Variants in SLC5A10 observed in about 807,000 individuals in gnomAD.
SLC5A10 encodes the protein sodium/mannose cotransporter SLC5A10.
In SLC5A10, 55 loss-of-function variants were observed where a neutral mutation model predicts 68.9. The ratio of observed to expected loss-of-function variants is 0.80; its 90% CI spans 0.64 to 1.00. The LOEUF (loss-of-function observed/expected upper bound fraction) is 1.00. Among genes scored for constraint, SLC5A10 ranks in the 50% least tolerant of loss-of-function variants. The pLI is 0.00. For missense variants in SLC5A10, 732 were observed against 819.3 expected (o/e 0.89, Z 1.30); for synonymous variants, 344 against 344.8 (o/e 1.00, Z 0.02).
At chr17:18,960,331 C>T (rs1267291931) in intron 4 of SLC5A10, among the ~76,000 whole-genome samples, 1 of 152,234 alleles carries the variant, frequency 6.6e-6, no homozygotes, top group Non-Finnish European at 1.5e-5. Flanking sequence ...TCTCAGCCTG[C>T]CACTCCCCTG....
intron 5 of SLC5A10, among the ~76,000 whole-genome samples, chr17:18,966,354 G>A (rs775477180): frequency 6.6e-6 from 1 of 152,122 alleles, no homozygotes; most frequent in Non-Finnish European, 1.5e-5. Context: ...GCCCTTCCTC[G>A]GGGATGCTGT....
At chr17:19,011,821 A>C (rs1243203066) in intron 9 of SLC5A10, among the ~76,000 whole-genome samples, 2 of 150,668 alleles carry the variant, frequency 1.3e-5, no homozygotes, top group Non-Finnish European at 3.0e-5. Context: ...CTGCCAGGGT[A>C]GGGGACACTG....
intron 9 of SLC5A10, among the ~76,000 whole-genome samples, chr17:18,982,181 C>T (rs1355536848): frequency 1.3e-5 from 2 of 152,232 alleles, no homozygotes; most frequent in Non-Finnish European, 2.9e-5. Flanking sequence ...AAGCAAGTCC[C>T]GGGCCCTTGC....
intron 7 of SLC5A10, chr17:18,970,067 A>G (rs2042803375): frequency 6.6e-6 from 1 of 152,270 alleles, no homozygotes; most frequent in East Asian, 1.9e-4. Flanking sequence ...CTAACCCTTG[A>G]ATGGCACTTG....
At chr17:18,969,744 G>C (rs555638719) in intron 7 of SLC5A10, 2 of 315,304 alleles carry the variant, frequency 6.3e-6, no homozygotes, top group East Asian at 1.1e-4. Context: ...CTGTAGGCGG[G>C]TGTGAAGGCA....
Position 19,015,159 on chromosome 17 carries a change from C to A in SLC5A10, c.1201C>A (p.Arg401Ser). 2.2e-6 allele frequency: 3 copies of A among 1,387,118 alleles called. No homozygotes were observed. Among genetic ancestry groups the A allele is most frequent in the Non-Finnish European group, 2.9e-6 (3 of 1,022,554 alleles). 85.9% of individuals were successfully genotyped at this position (1,387,118 alleles called of 1,614,324 possible). The stretch of plus-strand genomic sequence containing the variant: ...CACTATGGACATCTGGAGGCGGCTG[C>A]GTCCCCGCTCCGGCGAGCGGGAGCT... ...LFTMDIWRRL[R>S]PRSGERELLL... is the part of the protein sequence containing the mutation. The change falls in exon 11 of 15, where the codon CGT (arginine) becomes AGT (serine). Residue 401 changes from arginine to serine, a missense_variant. Arg to Ser is a moderately radical substitution (Grantham distance 110). Transcript: ENST00000395645.
At chr17:18,977,113 G>C in intron 9 of SLC5A10, 124 bp downstream of exon 9, 1 of 1,317,262 alleles carries the variant, frequency 7.6e-7, no homozygotes, top group East Asian at 2.4e-5. Flanking sequence ...AACCTGGGGA[G>C]TGGGGAGAGT....
At chr17:19,011,665 G>A (rs375572887) in intron 9 of SLC5A10, among the ~76,000 whole-genome samples, 1 of 152,104 alleles carries the variant, frequency 6.6e-6, no homozygotes, top group African/African-American at 2.4e-5. Flanking sequence ...CTATGAGCCT[G>A]GGGGGCTAAT....
rs59708379 is a variant in SLC5A10, at chr17:19,022,373, C to G, written c.*1942C>G. ...CTGCATCTACATAGAACACGGCTTT[C>G]CCAGCCGCCCAGCTGGGACAATAGG... On this transcript the variant is annotated 3_prime_UTR_variant, in exon 15 of 15. Coordinates refer to ENST00000395645, the MANE Select transcript of SLC5A10 (RefSeq NM_001042450.4). 0.031 allele frequency: 12,331 copies of G among 396,126 alleles called. 1,349 individuals carry two copies. The highest frequency in any genetic ancestry group is 0.23 in the African/African-American group (11,097 of 48,566). 24.5% of individuals were successfully genotyped at this position (396,126 alleles called of 1,614,324 possible). A position where few individuals can be genotyped will look rare whatever the true frequency, so the allele number is the denominator to read the frequency against.
At chr17:18,964,729 G>A (rs1296490308) in intron 5 of SLC5A10, among the ~76,000 whole-genome samples, 2 of 152,188 alleles carry the variant, frequency 1.3e-5, no homozygotes, top group Admixed American at 6.5e-5. Flanking sequence ...TGGGGCTGGG[G>A]GTGTCTAGGG....
chr17:18,969,302 G>A (rs758739925), intron 6 of SLC5A10, 40 bp from the exon 7 acceptor site: 10 of 1,605,590 alleles, frequency 6.2e-6, no homozygotes, highest in Non-Finnish European at 6.8e-6. Context: ...CTCCTCCCTG[G>A]GGCCAGGGCC....
chr17:18,973,462 C>T (rs2042905018), intron 8 of SLC5A10, among the ~76,000 whole-genome samples: 1 of 152,208 alleles, frequency 6.6e-6, no homozygotes, highest in Non-Finnish European at 1.5e-5. Context: ...GCCCTACCTC[C>T]CCATCCTCTA....
At position 19,022,504 on chromosome 17, in the gene SLC5A10, G is replaced by A. The variant is rs1251627093; in HGVS notation, c.*2073G>A. On this transcript the variant is annotated 3_prime_UTR_variant, in exon 15 of 15. Coordinates refer to ENST00000395645, the MANE Select transcript of SLC5A10 (RefSeq NM_001042450.4). The stretch of plus-strand genomic sequence containing the variant: ...ACCCGACTCTGCAGCAGCCATGGTA[G>A]CTTTTGACTCCAGGCCACAAAGCCA... The A allele has an allele frequency of 8.6e-6, 2 of 231,450 alleles. No homozygotes were observed. Among genetic ancestry groups the A allele is most frequent in the Non-Finnish European group, 1.7e-5 (2 of 120,030 alleles). The allele number at this position is 231,450 out of a possible 1,614,324, so 14.3% of individuals were successfully genotyped here. A position where few individuals can be genotyped will look rare whatever the true frequency, so the allele number is the denominator to read the frequency against.
At chr17:18,977,531 G>A in intron 9 of SLC5A10, 2 of 1,540,638 alleles carry the variant, frequency 1.3e-6, no homozygotes, top group African/African-American at 1.4e-5. Flanking sequence ...GAGCTCTTGG[G>A]TGGCTGGCAG....
rs562357364 is a variant in SLC5A10 at position 19,019,230 on chromosome 17, G to A, written c.1242-193G>A. 3.8e-5 allele frequency: 24 copies of A among 634,036 alleles called. No homozygotes were observed. In the African/African-American group the frequency reaches 4.2e-4, roughly 11 times the overall value. 39.3% of individuals were successfully genotyped at this position (634,036 alleles called of 1,614,324 possible). ...TCAGGAGCTGCACCTGCAGGATCCA[G>A]GGAGCCACCAAAGGGTTTGGAGCAG... On this transcript the variant is annotated intron_variant, in intron 11 of 14. Coordinates refer to ENST00000395645, the MANE Select transcript of SLC5A10 (RefSeq NM_001042450.4).
In SLC5A10 at chr17:19,021,662, G is replaced by C. The variant is rs1408826471; in HGVS notation, c.*1231G>C. ...AACCTTCCTGGCAGATGGGGCCATT[G>C]ACAAGAGGAGGTGGGCGGGGCCTCC... On this transcript the variant is annotated 3_prime_UTR_variant, in exon 15 of 15. Transcript: ENST00000395645. The surrounding 1 kb of genome is among the most constrained non-coding windows in gnomAD (Gnocchi z 4.1). 5.0e-6 allele frequency: 2 copies of C among 397,600 alleles called. No homozygotes were observed. The highest frequency in any genetic ancestry group is 8.9e-6 in the Non-Finnish European group (2 of 225,972). 24.6% of individuals were successfully genotyped at this position (397,600 alleles called of 1,614,324 possible). A position where few individuals can be genotyped will look rare whatever the true frequency, so the allele number is the denominator to read the frequency against.
rs879922162 is a variant in SLC5A10 at position 19,000,063 on chromosome 17, G to A, written c.983-13347G>A. On this transcript the variant is annotated intron_variant, in intron 9 of 14. Coordinates refer to ENST00000395645, the MANE Select transcript of SLC5A10 (RefSeq NM_001042450.4). This position sits in a 1 kb window ranked among gnomAD's most constrained non-coding sequence, Gnocchi z 5.2. Reference sequence around the variant, plus strand: ...CCTTCTCAGGCTGCAGCCAAGTGAGGCCGGGGCTCGCCCCTCCCAGGCGTG... The same window carrying A: ...CCTTCTCAGGCTGCAGCCAAGTGAGACCGGGGCTCGCCCCTCCCAGGCGTG... 1.2e-4 allele frequency among the ~76,000 whole-genome samples: 19 copies of A among 152,234 alleles called. No homozygotes were observed. Among genetic ancestry groups the A allele is most frequent in the Admixed American group, 1.2e-3 (19 of 15,288 alleles).
At chr17:18,975,580 G>A (rs1008178352) in intron 8 of SLC5A10, 1 of 152,164 alleles carries the variant, frequency 6.6e-6, no homozygotes, top group Non-Finnish European at 1.5e-5. Flanking sequence ...TGTAATCCCA[G>A]CTACTTGGGA....
In SLC5A10 at chr17:18,996,512, A is replaced by G. The variant is rs1677029505; in HGVS notation, c.983-16898A>G. Among the ~76,000 whole-genome samples the G allele has an allele frequency of 1.3e-5, 2 of 151,880 alleles. No individual in the cohort carries two copies. Among genetic ancestry groups the G allele is most frequent in the South Asian group, 4.2e-4 (2 of 4,806 alleles). On this transcript the variant is annotated intron_variant, in intron 9 of 14. Coordinates refer to ENST00000395645, the MANE Select transcript of SLC5A10 (RefSeq NM_001042450.4). The surrounding 1 kb of genome is among the most constrained non-coding windows in gnomAD (Gnocchi z 4.4). ...AATCTCCAAACCAGTTTGCCCATAT[A>G]ATGTCTCTGAAAGTCTGTCACCGAG...
Sources: gnomAD v4.1 joint callset for allele counts (sites outside exome capture counted in the v4.1 genomes callset) on GRCh38, gnomAD v4.1.1 for gene constraint, Gnocchi (gnomAD v3.1) non-coding constraint, MANE v1.5 for transcripts, NCBI Gene and HGNC (gene_info 2026-07-23, HGNC 2026-07-21) for gene names.